The following DOCK4 variants were observed in gnomAD, a reference collection of about 807,000 sequenced individuals.
DOCK4 encodes the protein dedicator of cytokinesis 4, also known as dedicator of cytokinesis protein 4.
In DOCK4, 97 loss-of-function variants were observed where a neutral mutation model predicts 268.1. That is an observed-to-expected ratio of 0.36 (90% CI 0.31 to 0.43). The LOEUF (loss-of-function observed/expected upper bound fraction) is 0.43. DOCK4 is among the 20% of genes least tolerant of loss of function. The pLI is 1.00. For missense variants in DOCK4, 2,145 were observed against 2,455.7 expected (o/e 0.87, Z 2.67); for synonymous variants, 954 against 887.2 (o/e 1.08, Z -1.34).
chr7:112,185,810 T>TA (rs1819452979), intron 1 of DOCK4, among the ~76,000 whole-genome samples: 1 of 152,218 alleles, frequency 6.6e-6, no homozygotes, highest in Admixed American at 6.5e-5. Context: ...TGCACAGTCT[T>TA]AAACTGCCTT....
At chr7:111,799,416 G>A (rs541639720) in intron 30 of DOCK4, among the ~76,000 whole-genome samples, 111 of 152,138 alleles carry the variant, frequency 7.3e-4, no homozygotes, top group African/African-American at 2.6e-3. Flanking sequence ...ACCTTTATTC[G>A]ACCCAAGACA....
intron 1 of DOCK4, among the ~76,000 whole-genome samples, chr7:112,139,192 A>G (rs1814658201): frequency 6.6e-6 from 1 of 152,126 alleles, no homozygotes. Flanking sequence ...TACATTAAGA[A>G]CCAGGGCCTC....
chr7:111,731,604 T>A (rs552657385), intron 52 of DOCK4, among the ~76,000 whole-genome samples: 1 of 152,352 alleles, frequency 6.6e-6, no homozygotes, highest in East Asian at 1.9e-4. Context: ...AGATGTTAAA[T>A]AGCCCATGTC....
Position 111,760,306 on chromosome 7 carries a change from C to A in DOCK4, c.4037G>T (p.Cys1346Phe). ...PFFLRNKEFVCRGHDYERLEA... is the reference protein window; with the variant it reads ...PFFLRNKEFVFRGHDYERLEA... ...CAGCCTCTCGTAGTCATGCCCTCGA[C>A]ACACAAACTCCTTATTCTGGAGATG... Residue 1346 changes from cysteine to phenylalanine, a missense_variant, in exon 40 of 53, where the codon TGT becomes TTT. Physicochemically the swap from Cys to Phe is radical, Grantham distance 205 (BLOSUM62 -2). Transcript: ENST00000428084. 4.3e-6 allele frequency: 7 copies of A among 1,613,506 alleles called. No individual in the cohort carries two copies. Among genetic ancestry groups the A allele is most frequent in the Non-Finnish European group, 5.9e-6 (7 of 1,179,622 alleles).
At chr7:111,731,301 T>C (rs1735018457) in intron 52 of DOCK4, among the ~76,000 whole-genome samples, 1 of 152,192 alleles carries the variant, frequency 6.6e-6, no homozygotes, top group Admixed American at 6.5e-5. Context: ...TCAGCAACTA[T>C]CGTTAGCACC....
chr7:112,156,413 G>T (rs559215047), intron 1 of DOCK4, among the ~76,000 whole-genome samples: 3 of 152,202 alleles, frequency 2.0e-5, no homozygotes, highest in Admixed American at 2.0e-4. Context: ...ATTATAATTT[G>T]GTAAAAACTG....
chr7:111,834,783 T>A, intron 25 of DOCK4, 97 bp from the exon 26 acceptor site: 2 of 766,226 alleles, frequency 2.6e-6, no homozygotes, highest in Non-Finnish European at 3.9e-6. Flanking sequence ...GAGAATAGGT[T>A]AAAATGAAAT....
At chr7:112,005,769 G>A (rs1238468394) in intron 1 of DOCK4, among the ~76,000 whole-genome samples, 3 of 152,076 alleles carry the variant, frequency 2.0e-5, no homozygotes, top group Non-Finnish European at 4.4e-5. Flanking sequence ...TACCACTCAG[G>A]AACACCCTTG....
intron 6 of DOCK4, among the ~76,000 whole-genome samples, chr7:111,987,194 T>C (rs536647506): frequency 2.9e-4 from 44 of 152,328 alleles, no homozygotes; most frequent in African/African-American, 1.0e-3. Flanking sequence ...CAACTTATCA[T>C]AAATTAGCCA....
chr7:112,152,336 C>A (rs1816171075), intron 1 of DOCK4, among the ~76,000 whole-genome samples: 1 of 152,248 alleles, frequency 6.6e-6, no homozygotes, highest in South Asian at 2.1e-4. Context: ...ACTTAATATT[C>A]TTGATTTACT....
At chr7:112,177,224 T>C (rs1818615163) in intron 1 of DOCK4, among the ~76,000 whole-genome samples, 1 of 152,210 alleles carries the variant, frequency 6.6e-6, no homozygotes, top group African/African-American at 2.4e-5. Context: ...CAGACAGCCC[T>C]GGGCTCAAAG....
intron 1 of DOCK4, among the ~76,000 whole-genome samples, chr7:112,180,598 G>C (rs3801797): frequency 6.6e-6 from 1 of 152,124 alleles, no homozygotes; most frequent in Non-Finnish European, 1.5e-5. Flanking sequence ...CAGCCTGAGA[G>C]TCACTTAAGG....
intron 35 of DOCK4, 101 bp from the exon 36 acceptor site, chr7:111,778,470 C>T (rs993184710): frequency 1.3e-4 from 77 of 613,158 alleles, no homozygotes; most frequent in Admixed American, 5.1e-4. Context: ...GCCAAGAGAA[C>T]GGATTCATTT....
intron 1 of DOCK4, among the ~76,000 whole-genome samples, chr7:112,174,015 C>T (rs1818298309): frequency 8.5e-6 from 1 of 117,982 alleles, no homozygotes; most frequent in African/African-American, 2.6e-5. Context: ...TGCCTTTCCC[C>T]ACCTCCCCAC....
At chr7:111,739,770 A>G in intron 47 of DOCK4, 1 of 411,146 alleles carries the variant, frequency 2.4e-6, no homozygotes, top group East Asian at 5.3e-5. Flanking sequence ...AATGACTTCC[A>G]GCCTAGGGCC....
intron 1 of DOCK4, among the ~76,000 whole-genome samples, chr7:112,100,646 AAG>A (rs1810596872): frequency 6.6e-6 from 1 of 152,244 alleles, no homozygotes; most frequent in Non-Finnish European, 1.5e-5. Flanking sequence ...GCATATATCA[AAG>A]TGCATCAGAC....
chr7:111,933,675 G>A (rs73428864), intron 12 of DOCK4, among the ~76,000 whole-genome samples: 1,981 of 152,140 alleles, frequency 0.013, 41 homozygotes, highest in African/African-American at 0.044. Flanking sequence ...CTCCTGTCTC[G>A]TGTGAGTCTT....
intron 1 of DOCK4, among the ~76,000 whole-genome samples, chr7:112,119,879 A>G (rs1246507800): frequency 2.0e-5 from 3 of 147,806 alleles, no homozygotes; most frequent in Admixed American, 6.8e-5. Flanking sequence ...ATGGAGTCTC[A>G]CTCTGTCACC....
intron 1 of DOCK4, among the ~76,000 whole-genome samples, chr7:112,019,815 A>C (rs1001594522): frequency 2.0e-5 from 3 of 152,182 alleles, no homozygotes; most frequent in Admixed American, 2.0e-4. Flanking sequence ...CTTTTTAATA[A>C]ATCCAGAATA....
Sources: allele counts gnomAD v4.1 joint callset (sites outside exome capture counted in the v4.1 genomes callset), GRCh38; gene constraint gnomAD v4.1.1; transcripts MANE v1.5; gene names NCBI Gene and HGNC (gene_info 2026-07-23, HGNC 2026-07-21).